PTPRF: variants seen among roughly 807,000 people sequenced by gnomAD.
The protein encoded by PTPRF is receptor-type tyrosine-protein phosphatase F.
A neutral mutation model predicts 201.8 loss-of-function variants in PTPRF; 59 were observed. The observed-to-expected ratio is 0.29, with a 90% CI of 0.24 to 0.36. The LOEUF (loss-of-function observed/expected upper bound fraction) is 0.36, where lower values mean the gene tolerates loss of function less well. Among genes scored for constraint, PTPRF ranks in the 10% least tolerant of loss-of-function variants. The pLI is 1.00. For missense variants in PTPRF, 2,132 were observed against 2,690.5 expected, an observed-to-expected ratio of 0.79 and a Z score of 4.59; for synonymous variants, 1,088 against 1,089.7, an observed-to-expected ratio of 1.00 and a Z score of 0.03.
intron 17 of PTPRF, 41 bp downstream of exon 17, chr1:43,605,041 A>G (rs906106038): frequency 3.8e-6 from 6 of 1,597,130 alleles, no homozygotes; most frequent in Non-Finnish European, 5.1e-6. Flanking sequence ...GCACACACAC[A>G]GGCCTGCTGG....
upstream of PTPRF, among the ~76,000 whole-genome samples, chr1:43,522,976 G>A (rs987573319): frequency 2.0e-5 from 3 of 152,226 alleles, no homozygotes; most frequent in African/African-American, 7.2e-5. Flanking sequence ...AGCAGATGTA[G>A]AGAGATCAGT....
Position 43,553,962 on chromosome 1 carries a change from G to A in PTPRF, c.379+21G>A. ...CGAAGGTACGTGCTAGGGAGACGTG[G>A]CACGGTGGGCTGCCGGGCTGAGGCG... On this transcript the variant is annotated intron_variant, in intron 5 of 33. Coordinates refer to ENST00000359947, the MANE Select transcript of PTPRF (RefSeq NM_002840.5). This position sits in a 1 kb window ranked among gnomAD's most constrained non-coding sequence, Gnocchi z 4.1. 6.2e-7 allele frequency: 1 copy of A among 1,611,912 alleles called. No individual in the cohort carries two copies.
At chr1:43,555,718 A>G (rs1185213073) in intron 5 of PTPRF, among the ~76,000 whole-genome samples, 2 of 152,204 alleles carry the variant, frequency 1.3e-5, no homozygotes, top group East Asian at 3.8e-4. Context: ...TGCTGGGATT[A>G]CAGGCGTGAG....
chr1:43,528,449 C>G (rs540914608), upstream of PTPRF: 1 of 152,378 alleles, frequency 6.6e-6, no homozygotes, highest in East Asian at 1.9e-4. Flanking sequence ...CCTCAGCCCC[C>G]CAAAGTGCTG....
chr1:43,571,819 C>T (rs1646591638), intron 6 of PTPRF, among the ~76,000 whole-genome samples: 1 of 152,272 alleles, frequency 6.6e-6, no homozygotes, highest in Non-Finnish European at 1.5e-5. Context: ...TCTTGGTCTT[C>T]CCCTGCCCGT....
At chr1:43,576,859 G>A (rs1266046795) in intron 6 of PTPRF, among the ~76,000 whole-genome samples, 2 of 152,170 alleles carry the variant, frequency 1.3e-5, no homozygotes, top group African/African-American at 4.8e-5. Flanking sequence ...GGACCAGGAT[G>A]GTCTCAGGCA....
At chr1:43,605,493 G>A (rs375821146) in intron 18 of PTPRF, 36 bp from the exon 19 acceptor site, 3 of 1,613,182 alleles carry the variant, frequency 1.9e-6, no homozygotes, top group Non-Finnish European at 2.5e-6. Flanking sequence ...GAGGTAACCA[G>A]CAGTGACAGT....
In PTPRF at chr1:43,591,189, G is replaced by T; in HGVS notation, c.1167G>T (p.Val389=). Residue 389 remains valine (V), a synonymous_variant, in exon 9 of 34, where the codon GTG becomes GTT. Transcript: ENST00000359947. ...CTTTCTCGGAATATGCCTTCCGCGTGCTGGCGGTGAACAGCATCGGGCGAG... is the reference window on the plus strand; with the variant it reads ...CTTTCTCGGAATATGCCTTCCGCGTTCTGGCGGTGAACAGCATCGGGCGAG... ...LSPFSEYAFR[V]LAVNSIGRGP... 1 of 1,610,802 alleles carries T rather than the reference G, an allele frequency of 6.2e-7. No individual in the cohort carries two copies. Among genetic ancestry groups the T allele is most frequent in the Non-Finnish European group, 8.5e-7 (1 of 1,178,652 alleles).
upstream of PTPRF, chr1:43,528,553 T>A (rs1410027107): frequency 6.6e-6 from 1 of 152,266 alleles, no homozygotes; most frequent in African/African-American, 2.4e-5. Flanking sequence ...AGGACCAGTT[T>A]GGCTTTGTGC....
At chr1:43,571,962 T>G (rs1040767472) in intron 6 of PTPRF, among the ~76,000 whole-genome samples, 1 of 152,236 alleles carries the variant, frequency 6.6e-6, no homozygotes, top group Non-Finnish European at 1.5e-5. Flanking sequence ...AAACCTTGAG[T>G]TGATGGCCTG....
chr1:43,532,601 TG>T, intron 1 of PTPRF: 1 of 179,122 alleles, frequency 5.6e-6, no homozygotes, highest in Non-Finnish European at 1.2e-5. Flanking sequence ...GAAGATCTGG[TG>T]GGGAATCCTT....
chr1:43,609,391 C>A lies in PTPRF; in HGVS notation c.3866C>A (p.Thr1289Asn), dbSNP rs773686451. The change falls in exon 22 of 34, where the codon ACC (threonine) becomes AAC (asparagine). Residue 1289 changes from threonine (T) to asparagine (N), a missense_variant. By Grantham distance (65) the Thr-to-Asn change is moderately conservative. Around this residue, in one of 6 missense-constraint regions of PTPRF, gnomAD observed 818 missense variants for 915.3 expected, o/e 0.89. Transcript: ENST00000359947. ...CCCTTCTGTCTCTCTAGGAAAAGGA[C>A]CCACTCTCCGTCCTCTAAGGATGAG... Reference protein sequence around the residue: ...IAILLFKRKRTHSPSSKDEQS... With the variant: ...IAILLFKRKRNHSPSSKDEQS... 1.2e-6 allele frequency: 2 copies of A among 1,613,804 alleles called. No homozygotes were observed. Among genetic ancestry groups the A allele is most frequent in the Non-Finnish European group, 1.7e-6 (2 of 1,179,824 alleles).
intron 31 of PTPRF, 66 bp downstream of exon 31, chr1:43,620,645 C>T (rs1236723344): frequency 6.3e-7 from 1 of 1,582,938 alleles, no homozygotes; most frequent in Non-Finnish European, 8.6e-7. Flanking sequence ...TGGCTGCCTG[C>T]ATGGTACCTT....
chr1:43,612,995 A>C (rs1656840592), intron 22 of PTPRF: 2 of 399,654 alleles, frequency 5.0e-6, no homozygotes, highest in Admixed American at 7.2e-5. Context: ...TGCTTCCTCC[A>C]GGCCTGTTTT....
In PTPRF at chr1:43,554,031, CA is replaced by C. The variant is rs1645194235; in HGVS notation, c.379+91del. The stretch of plus-strand genomic sequence containing the variant: ...CCTGATCCTGTCCTGGGCCCATGTG[CA>C]TTTGGCAGAAAGGAGGACTGGCCAC... On this transcript the variant is annotated intron_variant, in intron 5 of 33. Transcript: ENST00000359947. This position sits in a 1 kb window ranked among gnomAD's most constrained non-coding sequence, Gnocchi z 4.1. The C allele has an allele frequency of 6.6e-7, 1 of 1,526,160 alleles. No individual in the cohort carries two copies. Among genetic ancestry groups the C allele is most frequent in the Admixed American group, 1.9e-5 (1 of 51,736 alleles). 94.5% of individuals were successfully genotyped at this position (1,526,160 alleles called of 1,614,324 possible). A position where few individuals can be genotyped will look rare whatever the true frequency, so the allele number is the denominator to read the frequency against.
intron 3 of PTPRF, among the ~76,000 whole-genome samples, chr1:43,551,561 G>C (rs1645039482): frequency 1.3e-5 from 2 of 152,136 alleles, no homozygotes; most frequent in African/African-American, 2.4e-5. Context: ...TCAGTCCCAA[G>C]GTCTCCCTCC....
intron 21 of PTPRF, among the ~76,000 whole-genome samples, chr1:43,607,246 CTG>C (rs796380824): frequency 3.9e-5 from 6 of 152,368 alleles, no homozygotes; most frequent in African/African-American, 1.4e-4. Context: ...CTGTCTGTCT[CTG>C]TGTTTCTGTG....
intron 1 of PTPRF, among the ~76,000 whole-genome samples, chr1:43,533,888 C>G (rs116291501): frequency 2.0e-5 from 3 of 152,170 alleles, no homozygotes; most frequent in African/African-American, 4.8e-5. Context: ...CTTTCGGCCC[C>G]GGCTGCCTTT....
At chr1:43,600,766 T>C (rs1380218546) in intron 13 of PTPRF, among the ~76,000 whole-genome samples, 1 of 151,800 alleles carries the variant, frequency 6.6e-6, no homozygotes, top group East Asian at 1.9e-4. Context: ...CTTCTTGGAG[T>C]CTCTGTTTTT....
Sources: gnomAD v4.1 joint callset for allele counts (sites outside exome capture counted in the v4.1 genomes callset) on GRCh38, gnomAD v4.1.1 for gene constraint, gnomAD v4.1.1 regional missense constraint, Gnocchi (gnomAD v3.1) non-coding constraint, MANE v1.5 for transcripts, NCBI Gene and HGNC (gene_info 2026-07-23, HGNC 2026-07-21) for gene names.